Variants in PTPRN2 observed in about 807,000 individuals in gnomAD.
The protein encoded by PTPRN2 is receptor-type tyrosine-protein phosphatase N2.
A neutral mutation model predicts 118.8 loss-of-function variants in PTPRN2; 74 were observed. The ratio of observed to expected loss-of-function variants is 0.62; its 90% CI spans 0.52 to 0.76. The LOEUF (loss-of-function observed/expected upper bound fraction) is 0.76. Ranked by LOEUF, PTPRN2 falls within the 30% of genes least tolerant of loss-of-function variation. The pLI, the probability that PTPRN2 is intolerant of heterozygous loss-of-function variation, is 0.00. For missense variants in PTPRN2, 1,481 were observed against 1,394.4 expected, an observed-to-expected ratio of 1.06 and a Z score of -0.99; for synonymous variants, 641 against 608.0, an observed-to-expected ratio of 1.05 and a Z score of -0.80.
At chr7:157,735,159 G>A (rs561704705) in intron 12 of PTPRN2, among the ~76,000 whole-genome samples, 3 of 152,364 alleles carry the variant, frequency 2.0e-5, no homozygotes, top group East Asian at 1.9e-4. Context: ...TGTTGCTCCC[G>A]TGGTTCGGCC....
intron 1 of PTPRN2, among the ~76,000 whole-genome samples, chr7:158,585,677 C>T (rs1395586020): frequency 6.6e-6 from 1 of 152,196 alleles, no homozygotes; most frequent in Non-Finnish European, 1.5e-5. Flanking sequence ...CTCTCAGCTA[C>T]CCCCCACCTT....
chr7:158,471,900 A>T (rs1011596650), intron 2 of PTPRN2, among the ~76,000 whole-genome samples: 24 of 152,162 alleles, frequency 1.6e-4, no homozygotes, highest in African/African-American at 3.6e-4. Flanking sequence ...GTCGGCTGAG[A>T]CCACTGTCAG....
intron 6 of PTPRN2, among the ~76,000 whole-genome samples, chr7:158,162,164 G>A (rs1272759057): frequency 1.3e-5 from 2 of 152,220 alleles, no homozygotes; most frequent in African/African-American, 2.4e-5. Flanking sequence ...CACAGCCACT[G>A]GGGAAGACAG....
In PTPRN2 at chr7:157,779,161, A is replaced by G. The variant is rs1803522808; in HGVS notation, c.1789-96224T>C. On this transcript the variant is annotated intron_variant, in intron 12 of 22. Transcript: ENST00000389418. The surrounding 1 kb of genome is among the most constrained non-coding windows in gnomAD (Gnocchi z 4.7). ...CACCAGGTGCAGGCCTTACATATAG[A>G]GGTAGTAGCGCTACATTGAGGATGC... 6.6e-6 allele frequency among the ~76,000 whole-genome samples: 1 copy of G among 152,032 alleles called. No individual in the cohort carries two copies. Among genetic ancestry groups the G allele is most frequent in the Admixed American group, 6.6e-5 (1 of 15,258 alleles).
chr7:158,129,173 C>T (rs1817949900), intron 9 of PTPRN2, among the ~76,000 whole-genome samples: 2 of 148,350 alleles, frequency 1.3e-5, no homozygotes, highest in Admixed American at 6.7e-5. Context: ...ACACATACAA[C>T]ACATACCACG....
intron 11 of PTPRN2, among the ~76,000 whole-genome samples, chr7:157,942,851 A>G (rs1446202539): frequency 1.3e-5 from 2 of 151,996 alleles, no homozygotes; most frequent in African/African-American, 4.8e-5. Flanking sequence ...CACTGGTGCC[A>G]CCCCAGCCAC....
intron 2 of PTPRN2, among the ~76,000 whole-genome samples, chr7:158,325,054 C>A (rs537038576): frequency 3.9e-5 from 6 of 152,250 alleles, no homozygotes; most frequent in African/African-American, 1.4e-4. Flanking sequence ...CCAGTCCCCA[C>A]AATTATCCAC....
At position 157,763,849 on chromosome 7, in the gene PTPRN2, G is replaced by A. The variant is rs546841821; in HGVS notation, c.1789-80912C>T. 6.6e-6 allele frequency among the ~76,000 whole-genome samples: 1 copy of A among 152,192 alleles called. No homozygotes were observed. The highest frequency in any genetic ancestry group is 6.5e-5 in the Admixed American group (1 of 15,288). Reference sequence around the variant, plus strand: ...TGCTGTGTGGCCACTGCCCCATGTGGCTGCCCCATCCCCCAGAGCACCACG... The same window carrying A: ...TGCTGTGTGGCCACTGCCCCATGTGACTGCCCCATCCCCCAGAGCACCACG... On this transcript the variant is annotated intron_variant, in intron 12 of 22. Transcript: ENST00000389418. This position sits in a 1 kb window ranked among gnomAD's most constrained non-coding sequence, Gnocchi z 4.9.
chr7:157,815,460 C>G (rs2151126962), intron 12 of PTPRN2, among the ~76,000 whole-genome samples: 2 of 152,326 alleles, frequency 1.3e-5, no homozygotes, highest in South Asian at 4.1e-4. Flanking sequence ...AGCACCGCTG[C>G]CGAGGTGGGA....
chr7:157,744,864 G>A (rs1008406124), intron 12 of PTPRN2, among the ~76,000 whole-genome samples: 9 of 152,122 alleles, frequency 5.9e-5, no homozygotes, highest in East Asian at 1.9e-4. Context: ...CAAACGACTC[G>A]GGGCTTCCCT....
At chr7:158,370,329 G>A (rs948098826) in intron 2 of PTPRN2, among the ~76,000 whole-genome samples, 3 of 151,990 alleles carry the variant, frequency 2.0e-5, no homozygotes, top group Admixed American at 1.3e-4. Flanking sequence ...CCAGTTACTC[G>A]AGAGGCTGAG....
At chr7:158,447,930 G>T (rs530023892) in intron 2 of PTPRN2, among the ~76,000 whole-genome samples, 7 of 152,228 alleles carry the variant, frequency 4.6e-5, no homozygotes, top group Non-Finnish European at 2.9e-5. Flanking sequence ...CCAGCCACAC[G>T]GCACAGGGCA....
chr7:158,275,182 C>T (rs574129615), intron 3 of PTPRN2, among the ~76,000 whole-genome samples: 3 of 152,150 alleles, frequency 2.0e-5, no homozygotes, highest in South Asian at 2.1e-4. Context: ...CCAGCAGGGA[C>T]AGCACCGTGG....
intron 9 of PTPRN2, among the ~76,000 whole-genome samples, chr7:158,125,717 G>T (rs1006545650): frequency 6.6e-6 from 1 of 152,168 alleles, no homozygotes; most frequent in Non-Finnish European, 1.5e-5. Context: ...TGAGGACTGC[G>T]CTTTCTGAAC....
In PTPRN2 at chr7:157,941,407, C is replaced by A. The variant is rs557141634; in HGVS notation, c.1724-42670G>T. On this transcript the variant is annotated intron_variant, in intron 11 of 22. Coordinates refer to ENST00000389418, the MANE Select transcript of PTPRN2 (RefSeq NM_002847.5). The stretch of plus-strand genomic sequence containing the variant: ...CCCTCTCAATCATGACACTGCAAAT[C>A]TAACACCCTCCCCCATGACACTGCA... 2.9e-5 allele frequency among the ~76,000 whole-genome samples: 4 copies of A among 139,490 alleles called. 1 individual carries two copies. The highest frequency in any genetic ancestry group is 1.2e-4 in the African/African-American group (4 of 34,292). The allele number at this position is 139,490 out of a possible 152,430, so 91.5% of individuals were successfully genotyped here. A position where few individuals can be genotyped will look rare whatever the true frequency, so the allele number is the denominator to read the frequency against.
chr7:157,658,767 C>T (rs1011095668), intron 13 of PTPRN2, among the ~76,000 whole-genome samples: 11 of 152,146 alleles, frequency 7.2e-5, no homozygotes, highest in Admixed American at 5.9e-4. Flanking sequence ...GAAATGATAC[C>T]CAGAAAAAGT....
intron 17 of PTPRN2, among the ~76,000 whole-genome samples, chr7:157,582,067 T>C (rs898403675): frequency 1.3e-5 from 2 of 152,326 alleles, no homozygotes; most frequent in Admixed American, 1.3e-4. Flanking sequence ...GCTCCAGAAC[T>C]GCGAGGGGAT....
chr7:157,588,459 C>T (rs1800800865), intron 17 of PTPRN2, among the ~76,000 whole-genome samples: 1 of 152,122 alleles, frequency 6.6e-6, no homozygotes, highest in African/African-American at 2.4e-5. Context: ...TCTCTGTGAT[C>T]CAGCTACAGT....
chr7:158,256,140 T>A (rs997092970), intron 3 of PTPRN2, among the ~76,000 whole-genome samples: 1 of 152,178 alleles, frequency 6.6e-6, no homozygotes, highest in Admixed American at 6.5e-5. Flanking sequence ...CTGCAGAATC[T>A]CTGTGCAAAG....
Sources: allele counts gnomAD v4.1 joint callset (sites outside exome capture counted in the v4.1 genomes callset), GRCh38; gene constraint gnomAD v4.1.1; non-coding constraint Gnocchi (gnomAD v3.1); transcripts MANE v1.5; gene names NCBI Gene and HGNC (gene_info 2026-07-23, HGNC 2026-07-21).